Variants in ADAMTS3 observed in about 807,000 individuals in gnomAD.
The protein encoded by ADAMTS3 is ADAM metallopeptidase with thrombospondin type 1 motif 3, also known as A disintegrin and metalloproteinase with thrombospondin motifs 3.
ADAMTS3 carries 73 observed loss-of-function variants against 129.0 expected under a neutral mutation model. The observed-to-expected ratio is 0.57, with a 90% CI of 0.47 to 0.69. ADAMTS3 has a LOEUF of 0.69. Ranked by LOEUF, ADAMTS3 falls within the 30% of genes least tolerant of loss-of-function variation. The pLI is 0.00. For missense variants in ADAMTS3, 1,457 were observed against 1,514.5 expected (o/e 0.96, Z 0.63); for synonymous variants, 477 against 510.8 (o/e 0.93, Z 0.89).
At chr4:72,514,259 C>T (rs571955443) in intron 3 of ADAMTS3, among the ~76,000 whole-genome samples, 38 of 152,226 alleles carry the variant, frequency 2.5e-4, no homozygotes, top group Admixed American at 1.2e-3. Context: ...TTACTAGGCC[C>T]ATACAAGTTA....
intron 4 of ADAMTS3, among the ~76,000 whole-genome samples, chr4:72,348,629 A>G (rs931833541): frequency 6.6e-6 from 1 of 152,086 alleles, no homozygotes; most frequent in African/African-American, 2.4e-5. Context: ...AACATTATCC[A>G]GGTGGGCCTG....
chr4:72,427,618 C>A (rs534130883), intron 3 of ADAMTS3, among the ~76,000 whole-genome samples: 1 of 150,984 alleles, frequency 6.6e-6, no homozygotes, highest in East Asian at 2.0e-4. Context: ...TGGAAAACAG[C>A]AGAAGGAAAA....
chr4:72,481,439 CA>C (rs1322131550), intron 3 of ADAMTS3, among the ~76,000 whole-genome samples: 1 of 152,018 alleles, frequency 6.6e-6, no homozygotes, highest in Non-Finnish European at 1.5e-5. Context: ...AAAGGCAATT[CA>C]ATAAAAGAAA....
chr4:72,504,204 T>C (rs931148790), intron 3 of ADAMTS3, among the ~76,000 whole-genome samples: 36 of 152,222 alleles, frequency 2.4e-4, no homozygotes, highest in Non-Finnish European at 1.3e-4. Context: ...TGTACATAAG[T>C]GTCTTTTTGT....
intron 3 of ADAMTS3, among the ~76,000 whole-genome samples, chr4:72,524,271 G>T (rs1427208112): frequency 6.6e-6 from 1 of 152,080 alleles, no homozygotes; most frequent in Admixed American, 6.6e-5. Flanking sequence ...AGGAAGGTAT[G>T]CAAGTACCTG....
chr4:72,447,577 C>A (rs1425695631), intron 3 of ADAMTS3, among the ~76,000 whole-genome samples: 2 of 151,816 alleles, frequency 1.3e-5, no homozygotes, highest in South Asian at 4.2e-4. Flanking sequence ...GTAAAAATTA[C>A]TTAAGATTTT....
chr4:72,515,062 A>G (rs1438250684), intron 3 of ADAMTS3, among the ~76,000 whole-genome samples: 1 of 151,930 alleles, frequency 6.6e-6, no homozygotes, highest in Non-Finnish European at 1.5e-5. Context: ...TTCAATGCCC[A>G]TCTATGAATG....
intron 3 of ADAMTS3, among the ~76,000 whole-genome samples, chr4:72,447,985 A>T (rs1718300788): frequency 6.6e-6 from 1 of 151,676 alleles, no homozygotes; most frequent in Non-Finnish European, 1.5e-5. Context: ...CTGAGTAGAT[A>T]TTTTTAAAGT....
At chr4:72,466,465 C>G (rs1718923680) in intron 3 of ADAMTS3, among the ~76,000 whole-genome samples, 3 of 152,056 alleles carry the variant, frequency 2.0e-5, no homozygotes, top group African/African-American at 7.2e-5. Flanking sequence ...CGTTACAGCA[C>G]AAGAGATGTG....
intron 4 of ADAMTS3, among the ~76,000 whole-genome samples, chr4:72,371,791 A>G (rs1455418249): frequency 2.0e-5 from 3 of 152,104 alleles, no homozygotes; most frequent in Non-Finnish European, 4.4e-5. Context: ...TGACTTGGTA[A>G]CAAACAGCAT....
chr4:72,514,002 C>T (rs1720385238), intron 3 of ADAMTS3, among the ~76,000 whole-genome samples: 2 of 152,128 alleles, frequency 1.3e-5, no homozygotes, highest in African/African-American at 4.8e-5. Context: ...TCTTAAAAGT[C>T]TTCCTTGACT....
rs759103275 is a variant in ADAMTS3, at chr4:72,304,020, G to A, written c.2321C>T (p.Ser774Leu). Residue 774 changes from serine to leucine, a missense_variant, in exon 17 of 22, where the codon TCG (serine) becomes TTG (leucine). Ser to Leu is a moderately radical substitution (Grantham distance 145). Transcript: ENST00000286657. ...CACACCAAGATCTATGAAGGTCCGC[G>A]ACTTGGCTTCCTCCCCTTTGCCATT... ...ILNGKGEEAK[S>L]RTFIDLGVEW... 6.4e-5 allele frequency: 104 copies of A among 1,613,678 alleles called. No homozygotes were observed. In the South Asian group the frequency reaches 8.9e-4, roughly 14 times the overall value.
intron 5 of ADAMTS3, among the ~76,000 whole-genome samples, chr4:72,337,976 G>T (rs1720032048): frequency 6.6e-6 from 1 of 152,022 alleles, no homozygotes; most frequent in Admixed American, 6.6e-5. Context: ...GTAGCCCAGG[G>T]ACATAATGAA....
chr4:72,563,221 T>A (rs1721946310), intron 2 of ADAMTS3, among the ~76,000 whole-genome samples: 1 of 152,078 alleles, frequency 6.6e-6, no homozygotes, highest in South Asian at 2.1e-4. Context: ...TTAATAAAAT[T>A]TTCACCTAAG....
chr4:72,313,032 T>C (rs765306275), intron 12 of ADAMTS3, among the ~76,000 whole-genome samples: 2 of 152,144 alleles, frequency 1.3e-5, no homozygotes, highest in East Asian at 1.9e-4. Flanking sequence ...TGGCATCAGA[T>C]AGTCTTACAA....
rs763030798 is a variant in ADAMTS3, at chr4:72,298,414, G to C, written c.2453C>G (p.Ser818Cys). 9 of 1,607,608 alleles carry C rather than the reference G, an allele frequency of 5.6e-6. No homozygotes were observed. Among genetic ancestry groups the C allele is most frequent in the South Asian group, 1.1e-5 (1 of 90,024 alleles). The change falls in exon 18 of 22, where the codon TCT (serine) becomes TGT (cysteine). Residue 818 changes from serine (S) to cysteine (C), a missense_variant. Transcript: ENST00000286657. ...LIIPQENDTRSSLTYKYIIHE... is the reference protein window; with the variant it reads ...LIIPQENDTRCSLTYKYIIHE... ...GATGATGTACTTATATGTCAGGCTA[G>C]AGCGGGTATCATTTTCTTGAGGTAT... is the stretch of plus-strand genomic sequence containing the variant.
intron 2 of ADAMTS3, among the ~76,000 whole-genome samples, chr4:72,554,543 G>A (rs907992001): frequency 6.6e-6 from 1 of 151,844 alleles, no homozygotes; most frequent in Non-Finnish European, 1.5e-5. Flanking sequence ...TCCTGACTTC[G>A]CTATTTCTGT....
intron 3 of ADAMTS3, among the ~76,000 whole-genome samples, chr4:72,544,000 G>A (rs1050554377): frequency 6.6e-6 from 1 of 151,950 alleles, no homozygotes; most frequent in Non-Finnish European, 1.5e-5. Flanking sequence ...TACTAAATCT[G>A]GAGTTAGATC....
intron 5 of ADAMTS3, among the ~76,000 whole-genome samples, chr4:72,328,066 C>A (rs1007000911): frequency 2.0e-5 from 3 of 152,170 alleles, no homozygotes; most frequent in Admixed American, 6.5e-5. Flanking sequence ...TTTGACACTG[C>A]ATAATGCAAA....
Sources: allele counts gnomAD v4.1 joint callset (sites outside exome capture counted in the v4.1 genomes callset), GRCh38; gene constraint gnomAD v4.1.1; transcripts MANE v1.5; gene names NCBI Gene and HGNC (gene_info 2026-07-23, HGNC 2026-07-21).